Variants in KAT2B observed in about 807,000 individuals in gnomAD.
KAT2B encodes histone acetyltransferase KAT2B.
In KAT2B, 36 loss-of-function variants were observed where a neutral mutation model predicts 105.9. The observed-to-expected ratio is 0.34, with a 90% CI of 0.26 to 0.45. KAT2B has a LOEUF of 0.45. Ranked by LOEUF, KAT2B falls within the 20% of genes least tolerant of loss-of-function variation. The probability of loss-of-function intolerance (pLI) is 1.00; values close to 1 mark genes in which losing one functional copy is unlikely to be tolerated. For synonymous variants in KAT2B, 397 were observed against 377.9 expected (o/e 1.05, Z -0.59); for missense variants, 820 against 1,021.6 (o/e 0.80, Z 2.69).
intron 1 of KAT2B, among the ~76,000 whole-genome samples, chr3:20,063,688 G>A (rs1466575601): frequency 6.6e-6 from 1 of 151,194 alleles, no homozygotes; most frequent in Non-Finnish European, 1.5e-5. Flanking sequence ...GATTACAGAC[G>A]TGAGCCACCA....
At chr3:20,062,043 T>C (rs1575110483) in intron 1 of KAT2B, among the ~76,000 whole-genome samples, 1 of 101,540 alleles carries the variant, frequency 9.8e-6, no homozygotes, top group Non-Finnish European at 1.8e-5. Context: ...ATATTATATA[T>C]AAAACATATA....
At chr3:20,144,326 T>G (rs1699747624) in intron 13 of KAT2B, among the ~76,000 whole-genome samples, 2 of 135,610 alleles carry the variant, frequency 1.5e-5, no homozygotes, top group Admixed American at 8.1e-5. Flanking sequence ...TCTCACTCTG[T>G]CACCCAGGCT....
Position 20,120,286 on chromosome 3 carries a change from G to A in KAT2B, c.1276+563G>A, listed in dbSNP as rs531616365. On this transcript the variant is annotated intron_variant, in intron 8 of 17. Coordinates refer to ENST00000263754, the MANE Select transcript of KAT2B (RefSeq NM_003884.5). ...ACTGTCACCCTGGCTGGAGTGCAGT[G>A]GTGTGATCTCAGCTCACTGCAACCT... is the stretch of plus-strand genomic sequence containing the variant. 4.9e-4 allele frequency among the ~76,000 whole-genome samples: 75 copies of A among 151,948 alleles called. No homozygotes were observed. In the Middle Eastern group the frequency reaches 0.014, roughly 28 times the overall value.
chr3:20,148,076 CA>C, intron 15 of KAT2B, 77 bp downstream of exon 15: 1 of 1,472,836 alleles, frequency 6.8e-7, no homozygotes. Flanking sequence ...AGAAAAACGG[CA>C]AACTAATTGT....
At position 20,135,182 on chromosome 3, in the gene KAT2B, TG is replaced by T. The variant is rs1339607770; in HGVS notation, c.1750-1759del. Among the ~76,000 whole-genome samples the T allele has an allele frequency of 1.3e-5, 2 of 152,216 alleles. 1 individual carries two copies. The highest frequency in any genetic ancestry group is 3.8e-4 in the East Asian group (2 of 5,198). ...ACTCTCAGTGTTCAGTATTGTGATA[TG>T]TTTGGGAAAAGTTAAAAGCTAAAAT... On this transcript the variant is annotated intron_variant, in intron 11 of 17. Transcript: ENST00000263754.
chr3:20,042,158 A>C (rs773457566), intron 1 of KAT2B, among the ~76,000 whole-genome samples: 5 of 152,228 alleles, frequency 3.3e-5, no homozygotes, highest in African/African-American at 1.2e-4. Flanking sequence ...ATTTCTGACA[A>C]ACTCCCAAGT....
Position 20,152,857 on chromosome 3 carries a change from T to C in KAT2B, c.*332T>C, listed in dbSNP as rs1269484103. ...GAGGAAATTGCACACAGTAGCAAAA[T>C]TTGGGGAAATCCATAACATTTTCAG... On this transcript the variant is annotated 3_prime_UTR_variant, in exon 18 of 18. Coordinates refer to ENST00000263754, the MANE Select transcript of KAT2B (RefSeq NM_003884.5). 1 of 163,102 alleles carries C rather than the reference T, an allele frequency of 6.1e-6. No homozygotes were observed. The highest frequency in any genetic ancestry group is 1.3e-5 in the Non-Finnish European group (1 of 74,882). 10.1% of individuals were successfully genotyped at this position (163,102 alleles called of 1,614,324 possible). A position where few individuals can be genotyped will look rare whatever the true frequency, so the allele number is the denominator to read the frequency against.
chr3:20,094,538 A>G (rs1476033536), intron 2 of KAT2B, among the ~76,000 whole-genome samples: 5 of 152,270 alleles, frequency 3.3e-5, no homozygotes, highest in South Asian at 2.1e-4. Context: ...ACCTTAAAAG[A>G]TGGACTGTAT....
intron 1 of KAT2B, among the ~76,000 whole-genome samples, chr3:20,066,685 G>A (rs1216358264): frequency 1.3e-5 from 2 of 151,744 alleles, no homozygotes; most frequent in East Asian, 1.9e-4. Context: ...ACAGGCATGA[G>A]CCACCGCACC....
chr3:20,049,574 T>C (rs1033015430), intron 1 of KAT2B, among the ~76,000 whole-genome samples: 2 of 152,182 alleles, frequency 1.3e-5, no homozygotes, highest in South Asian at 4.1e-4. Context: ...GGGGGTCGCT[T>C]TTCTTCCAAA....
chr3:20,091,546 GTTC>G (rs1387270874), intron 2 of KAT2B, among the ~76,000 whole-genome samples: 3 of 151,818 alleles, frequency 2.0e-5, no homozygotes, highest in East Asian at 1.9e-4. Flanking sequence ...ACTTTAGTTC[GTTC>G]TTCTTTGTCT....
chr3:20,070,212 A>G (rs995257542), intron 1 of KAT2B, among the ~76,000 whole-genome samples: 1 of 152,066 alleles, frequency 6.6e-6, no homozygotes, highest in Non-Finnish European at 1.5e-5. Flanking sequence ...CCAGATTCAC[A>G]TGGCCCACTG....
chr3:20,068,289 C>G (rs954234770), intron 1 of KAT2B, among the ~76,000 whole-genome samples: 3 of 151,914 alleles, frequency 2.0e-5, no homozygotes, highest in Admixed American at 2.0e-4. Context: ...AGCCACTGTG[C>G]TTGACCCTGT....
rs9310609 is a variant in KAT2B, at chr3:20,106,452, C to G, written c.851+4984C>G. Among the ~76,000 whole-genome samples the G allele has an allele frequency of 5.3e-5, 8 of 151,956 alleles. No homozygotes were observed. In the South Asian group the frequency reaches 1.2e-3, roughly 24 times the overall value. ...AACACCAGAAGTACACACACACACA[C>G]ACACACACACACATTCTGTCTCTCT... On this transcript the variant is annotated intron_variant, in intron 5 of 17. Transcript: ENST00000263754.
intron 5 of KAT2B, among the ~76,000 whole-genome samples, chr3:20,105,620 A>G: frequency 6.6e-6 from 1 of 152,046 alleles, no homozygotes; most frequent in African/African-American, 2.4e-5. Context: ...CTACAAAAAT[A>G]AAAATAAAAA....
chr3:20,068,536 T>G (rs1698264824), intron 1 of KAT2B, among the ~76,000 whole-genome samples: 1 of 151,960 alleles, frequency 6.6e-6, no homozygotes, highest in Non-Finnish European at 1.5e-5. Flanking sequence ...TACTCATCCT[T>G]TTTTCTTTCT....
At chr3:20,076,119 C>T (rs966086296) in intron 2 of KAT2B, among the ~76,000 whole-genome samples, 4 of 151,952 alleles carry the variant, frequency 2.6e-5, no homozygotes, top group Non-Finnish European at 5.9e-5. Flanking sequence ...GAAAGGGGCT[C>T]ATGATGAACA....
chr3:20,077,955 G>A (rs1698448251), intron 2 of KAT2B, among the ~76,000 whole-genome samples: 1 of 152,034 alleles, frequency 6.6e-6, no homozygotes, highest in Admixed American at 6.6e-5. Flanking sequence ...CAGGTGGATT[G>A]TTTGAGCCCA....
intron 6 of KAT2B, among the ~76,000 whole-genome samples, chr3:20,113,019 A>C (rs984375216): frequency 1.3e-5 from 2 of 152,348 alleles, no homozygotes; most frequent in African/African-American, 4.8e-5. Flanking sequence ...CAATATTTGC[A>C]CATATATTTC....
Sources: allele counts gnomAD v4.1 joint callset (sites outside exome capture counted in the v4.1 genomes callset), GRCh38; gene constraint gnomAD v4.1.1; transcripts MANE v1.5; gene names NCBI Gene and HGNC (gene_info 2026-07-23, HGNC 2026-07-21).